Variants in SSU72 observed in about 807,000 individuals in gnomAD.
SSU72 encodes RNA polymerase II subunit A C-terminal domain phosphatase SSU72.
In SSU72, 12 loss-of-function variants were observed where a neutral mutation model predicts 22.7. The observed-to-expected ratio is 0.53, with a 90% CI of 0.34 to 0.86. The LOEUF is 0.86. SSU72 is among the 40% of genes least tolerant of loss of function. SSU72 has a pLI of 0.02. For missense variants in SSU72, 151 were observed against 249.8 expected, an observed-to-expected ratio of 0.60 and a Z score of 2.67; for synonymous variants, 116 against 98.3, an observed-to-expected ratio of 1.18 and a Z score of -1.06.
chr1:1,543,769 C>A (rs1425150238), intron 4 of SSU72, 100 bp downstream of exon 4: 8 of 856,806 alleles, frequency 9.3e-6, no homozygotes, highest in Non-Finnish European at 1.4e-5. Context: ...GCCTCGGCCA[C>A]CCCCTCTGTC....
At chr1:1,556,167 T>G (rs1642518434) in intron 2 of SSU72, among the ~76,000 whole-genome samples, 1 of 152,126 alleles carries the variant, frequency 6.6e-6, no homozygotes, top group African/African-American at 2.4e-5. Context: ...GCACGGTGGC[T>G]CACGCCTATA....
intron 1 of SSU72, 80 bp downstream of exon 1, chr1:1,574,398 C>T (rs1642781033): frequency 2.7e-6 from 4 of 1,461,172 alleles, no homozygotes; most frequent in African/African-American, 2.9e-5. Context: ...GGGGTCCTGG[C>T]GCGGGCCAGG....
chr1:1,567,912 CAAA>C (rs71574349), intron 1 of SSU72, among the ~76,000 whole-genome samples: 12 of 98,350 alleles, frequency 1.2e-4, no homozygotes, highest in East Asian at 5.7e-4. Flanking sequence ...TACTCTGTTT[CAAA>C]AAAAAAAAAA....
chr1:1,571,740 G>A (rs1642733880), intron 1 of SSU72, among the ~76,000 whole-genome samples: 2 of 152,192 alleles, frequency 1.3e-5, no homozygotes. Context: ...GTTATGACTG[G>A]CATGTCTTTA....
chr1:1,574,586 C>A lies in SSU72; in HGVS notation c.-29G>T, dbSNP rs545517535. On this transcript the variant is annotated 5_prime_UTR_variant, in exon 1 of 5. Transcript: ENST00000291386. ...GGCGGCCGCAAATCCCGCGGCTCTC[C>A]CGCTTGGGTTCCCACCCTACCGCGG... 5 of 1,575,208 alleles carry A rather than the reference C, an allele frequency of 3.2e-6. No homozygotes were observed. The African/African-American group carries it at 7.0e-5, about 22-fold the overall frequency.
rs529298957 is a variant in SSU72 at position 1,542,273 on chromosome 1, G to C, written c.484-106C>G. 9.1e-7 allele frequency: 1 copy of C among 1,099,384 alleles called. No individual in the cohort carries two copies. Among genetic ancestry groups the C allele is most frequent in the Admixed American group, 2.1e-5 (1 of 48,044 alleles). 68.1% of individuals were successfully genotyped at this position (1,099,384 alleles called of 1,614,324 possible). A position where few individuals can be genotyped will look rare whatever the true frequency, so the allele number is the denominator to read the frequency against. On this transcript the variant is annotated intron_variant, in intron 4 of 4. Transcript: ENST00000291386. This position sits in a 1 kb window ranked among gnomAD's most constrained non-coding sequence, Gnocchi z 4.4. The stretch of plus-strand genomic sequence containing the variant: ...GCCAGGCCTGAGCCAGCAGAAACCA[G>C]CGCAGCAGGCAGGCCCTCACCCCAC...
intron 2 of SSU72, among the ~76,000 whole-genome samples, chr1:1,549,354 T>G (rs1021356328): frequency 6.6e-6 from 1 of 151,322 alleles, no homozygotes; most frequent in Non-Finnish European, 1.5e-5. Flanking sequence ...ACCCTGTCTC[T>G]ACTAAAAACA....
intron 2 of SSU72, among the ~76,000 whole-genome samples, chr1:1,559,293 A>C (rs1297429875): frequency 6.6e-6 from 1 of 152,184 alleles, no homozygotes; most frequent in Non-Finnish European, 1.5e-5. Flanking sequence ...TAGCACGGGA[A>C]GCTGCTACAG....
intron 1 of SSU72, among the ~76,000 whole-genome samples, chr1:1,569,015 T>C (rs1642696440): frequency 6.6e-6 from 1 of 151,714 alleles, no homozygotes; most frequent in Non-Finnish European, 1.5e-5. Context: ...CTACTAAAAA[T>C]ACAAAAAAAT....
At chr1:1,544,777 G>A (rs1253953824) in intron 3 of SSU72, 86 bp downstream of exon 3, 1 of 1,586,956 alleles carries the variant, frequency 6.3e-7, no homozygotes, top group Non-Finnish European at 8.6e-7. Flanking sequence ...TAGACGGGCT[G>A]TACTGGTCAT....
chr1:1,557,098 C>T (rs908167546), intron 2 of SSU72, among the ~76,000 whole-genome samples: 5 of 152,202 alleles, frequency 3.3e-5, no homozygotes, highest in African/African-American at 9.6e-5. Flanking sequence ...TTGACAAATA[C>T]CTTCCCAAAA....
intron 2 of SSU72, among the ~76,000 whole-genome samples, chr1:1,552,075 C>G (rs955583029): frequency 6.6e-6 from 1 of 152,258 alleles, no homozygotes; most frequent in Non-Finnish European, 1.5e-5. Flanking sequence ...CGACCCGGCA[C>G]TCTGCTACAC....
intron 2 of SSU72, chr1:1,562,563 G>C (rs571583647): frequency 6.6e-6 from 1 of 152,318 alleles, no homozygotes; most frequent in South Asian, 2.1e-4. Flanking sequence ...GCGTGGTCAC[G>C]CATCGCCTAA....
rs376265266 is a variant in SSU72, at chr1:1,542,081, G to C, written c.570C>G (p.Thr190=). 16 of 1,584,834 alleles carry C rather than the reference G, an allele frequency of 1.0e-5. No individual in the cohort carries two copies. The highest frequency in any genetic ancestry group is 2.3e-5 in the East Asian group (1 of 43,774). ...GGCGCTGGGCTCAGTAGAAGCAGAC[G>C]GTGTGCAGAAAGGTGCGGCCACTCT... ...EEKSGRTFLH[T]VCFY The change falls in exon 5 of 5, where the codon ACC becomes ACG. Residue 190 remains threonine (T), a synonymous_variant. Transcript: ENST00000291386. The surrounding 1 kb of genome is among the most constrained non-coding windows in gnomAD (Gnocchi z 4.4).
rs143202412 is a variant in SSU72, at chr1:1,549,250, G to A, written c.225-4248C>T. On this transcript the variant is annotated intron_variant, in intron 2 of 4. Coordinates refer to ENST00000291386, the MANE Select transcript of SSU72 (RefSeq NM_014188.3). ...AAATTACCAGCCTGGGGCCGGGCAC[G>A]GTGGCTCACGCCTGTAATCCCAGAA... Among the ~76,000 whole-genome samples, 195 of 152,160 alleles carry A rather than the reference G, an allele frequency of 1.3e-3. 1 individual carries two copies. Among genetic ancestry groups the A allele is most frequent in the African/African-American group, 4.5e-3 (187 of 41,536 alleles).
chr1:1,544,056 A>C (rs1642359831), intron 3 of SSU72, 69 bp from the exon 4 acceptor site: 1 of 1,231,792 alleles, frequency 8.1e-7, no homozygotes, highest in Non-Finnish European at 1.2e-6. Flanking sequence ...AATGTGGCTG[A>C]GTCCCCAGCT....
chr1:1,564,407 C>A, intron 2 of SSU72: 1 of 1,415,958 alleles, frequency 7.1e-7, no homozygotes, highest in Non-Finnish European at 9.3e-7. Context: ...CACACGCACG[C>A]ACACCAACCT....
Position 1,542,199 on chromosome 1 carries a change from C to A in SSU72, c.484-32G>T. ...GGACAGGACCGTGGTGAGGGCCTTGCCCACTCCTGCCTGTCTGCTCCCCCT... is the reference window on the plus strand; with the variant it reads ...GGACAGGACCGTGGTGAGGGCCTTGACCACTCCTGCCTGTCTGCTCCCCCT... On this transcript the variant is annotated intron_variant, in intron 4 of 4. Transcript: ENST00000291386. The surrounding 1 kb of genome is among the most constrained non-coding windows in gnomAD (Gnocchi z 4.4). 6.5e-7 allele frequency: 1 copy of A among 1,549,012 alleles called. No individual in the cohort carries two copies. Among genetic ancestry groups the A allele is most frequent in the Non-Finnish European group, 8.7e-7 (1 of 1,142,910 alleles).
At chr1:1,574,420 A>G (rs928368872) in intron 1 of SSU72, 58 bp downstream of exon 1, 90 of 1,525,302 alleles carry the variant, frequency 5.9e-5, no homozygotes, top group Non-Finnish European at 7.6e-5. Flanking sequence ...GGAACCGGGG[A>G]GGAGGGAGGG....
Sources: gnomAD v4.1 joint callset for allele counts (sites outside exome capture counted in the v4.1 genomes callset) on GRCh38, gnomAD v4.1.1 for gene constraint, Gnocchi (gnomAD v3.1) non-coding constraint, MANE v1.5 for transcripts, NCBI Gene and HGNC (gene_info 2026-07-23, HGNC 2026-07-21) for gene names.